The following TRERF1 variants were observed in gnomAD, a reference collection of about 807,000 sequenced individuals.
The protein encoded by TRERF1 is transcriptional regulating factor 1.
TRERF1 carries 27 observed loss-of-function variants against 122.9 expected under a neutral mutation model. The ratio of observed to expected loss-of-function variants is 0.22; its 90% CI spans 0.16 to 0.30. The LOEUF (loss-of-function observed/expected upper bound fraction) is 0.30. Among genes scored for constraint, TRERF1 ranks in the 10% least tolerant of loss-of-function variants. The pLI, the probability that TRERF1 is intolerant of heterozygous loss-of-function variation, is 1.00. For missense variants in TRERF1, 1,248 were observed against 1,560.3 expected (o/e 0.80, Z 3.37); for synonymous variants, 636 against 641.7 (o/e 0.99, Z 0.13).
chr6:42,256,928 A>G (rs758016361), intron 11 of TRERF1, 35 bp downstream of exon 11: 37 of 1,613,650 alleles, frequency 2.3e-5, no homozygotes, highest in Non-Finnish European at 3.1e-5. Flanking sequence ...AGAGAATCAA[A>G]CCTCTCCCAC....
At chr6:42,412,022 C>T (rs1186444402) in intron 2 of TRERF1, among the ~76,000 whole-genome samples, 5 of 94,904 alleles carry the variant, frequency 5.3e-5, no homozygotes, top group East Asian at 6.1e-4. Flanking sequence ...TTTTTTGAGA[C>T]GGAGTTTTGC....
chr6:42,300,152 A>T (rs1326304660), intron 4 of TRERF1, among the ~76,000 whole-genome samples: 3 of 152,258 alleles, frequency 2.0e-5, no homozygotes, highest in African/African-American at 7.2e-5. Flanking sequence ...GGCAGAGCAG[A>T]GACCAGCAGA....
At chr6:42,415,075 T>C (rs1781638512) in intron 2 of TRERF1, among the ~76,000 whole-genome samples, 1 of 152,232 alleles carries the variant, frequency 6.6e-6, no homozygotes, top group African/African-American at 2.4e-5. Context: ...TTATTAAATA[T>C]TTTGATCTCT....
chr6:42,236,716 T>C (rs1772319300), intron 15 of TRERF1, among the ~76,000 whole-genome samples: 1 of 152,192 alleles, frequency 6.6e-6, no homozygotes, highest in Non-Finnish European at 1.5e-5. Context: ...TTCCCCACCT[T>C]GTTCGAGACT....
At position 42,334,202 on chromosome 6, in the gene TRERF1, C is replaced by T. The variant is rs906225728; in HGVS notation, c.-371+28795G>A. ...TTGGGAAGGCAAGTGGGACCTGGCA[C>T]CCAGTGATCTGAAGGTAGCTGAGTT... On this transcript the variant is annotated intron_variant, in intron 3 of 17. Transcript: ENST00000372922. Among the ~76,000 whole-genome samples the T allele has an allele frequency of 5.3e-5, 8 of 152,104 alleles. No homozygotes were observed. In the South Asian group the frequency reaches 1.7e-3, roughly 32 times the overall value.
chr6:42,236,282 G>A, exon 16 of TRERF1: 1 of 1,612,464 alleles, frequency 6.2e-7, no homozygotes, highest in Non-Finnish European at 8.5e-7. Flanking sequence ...CCCTCCGTGG[G>A]AGCCAGGACG....
chr6:42,262,012 C>G (rs1051553596), intron 8 of TRERF1, among the ~76,000 whole-genome samples: 1 of 152,084 alleles, frequency 6.6e-6, no homozygotes, highest in Non-Finnish European at 1.5e-5. Context: ...GACTCTGACC[C>G]CCATGTGACT....
At chr6:42,299,485 A>G (rs4711716) in intron 4 of TRERF1, among the ~76,000 whole-genome samples, 20,602 of 152,188 alleles carry the variant, frequency 0.14, 1,680 homozygotes, top group African/African-American at 0.23. Flanking sequence ...CAACAATTTC[A>G]GCATTGCAAG....
intron 2 of TRERF1, among the ~76,000 whole-genome samples, chr6:42,369,150 T>C: frequency 6.6e-6 from 1 of 151,924 alleles, no homozygotes; most frequent in East Asian, 1.9e-4. Context: ...AAGGCTGGGA[T>C]CTAAAAAAAA....
At chr6:42,235,605 TTA>T (rs1248739602) in intron 16 of TRERF1, among the ~76,000 whole-genome samples, 2 of 152,224 alleles carry the variant, frequency 1.3e-5, no homozygotes, top group African/African-American at 2.4e-5. Flanking sequence ...TTCAGCCTGT[TTA>T]TATGATTAAT....
chr6:42,325,859 G>C (rs1458160389), intron 3 of TRERF1, among the ~76,000 whole-genome samples: 2 of 152,216 alleles, frequency 1.3e-5, no homozygotes, highest in African/African-American at 4.8e-5. Context: ...TGGGGCCACA[G>C]AGCAATGAAA....
At chr6:42,260,276 C>A (rs976839802) in intron 8 of TRERF1, among the ~76,000 whole-genome samples, 48 of 152,108 alleles carry the variant, frequency 3.2e-4, no homozygotes, top group African/African-American at 1.1e-3. Flanking sequence ...TCGATGACCT[C>A]TAAGGGCCCT....
intron 4 of TRERF1, among the ~76,000 whole-genome samples, chr6:42,288,574 CAAAAAAAAAAAAA>C (rs3074797): frequency 1.2e-5 from 1 of 86,548 alleles, no homozygotes; most frequent in Non-Finnish European, 2.2e-5. Context: ...ATCTCAAAAC[CAAAAAAAAAAAAA>C]AAAAAAAAAG....
At chr6:42,310,236 T>C (rs981129182) in intron 3 of TRERF1, among the ~76,000 whole-genome samples, 1 of 152,218 alleles carries the variant, frequency 6.6e-6, no homozygotes, top group Non-Finnish European at 1.5e-5. Flanking sequence ...CCCAAAGTGC[T>C]AGGAGTATAG....
intron 2 of TRERF1, among the ~76,000 whole-genome samples, chr6:42,420,255 T>C (rs1293734408): frequency 1.1e-4 from 16 of 152,210 alleles, no homozygotes; most frequent in Admixed American, 9.8e-4. Context: ...GCAGAATCAA[T>C]AGGCACTTCA....
intron 4 of TRERF1, among the ~76,000 whole-genome samples, chr6:42,287,004 A>C (rs1212322006): frequency 6.8e-6 from 1 of 146,044 alleles, no homozygotes; most frequent in Non-Finnish European, 1.5e-5. Context: ...GACATGGATG[A>C]AATTGGAAAT....
intron 3 of TRERF1, among the ~76,000 whole-genome samples, chr6:42,302,921 T>C (rs1001493778): frequency 2.6e-5 from 4 of 152,240 alleles, no homozygotes; most frequent in Non-Finnish European, 5.9e-5. Context: ...GAGTTTGTCT[T>C]AGACAACATA....
intron 4 of TRERF1, among the ~76,000 whole-genome samples, chr6:42,270,501 T>C (rs1420667577): frequency 6.6e-6 from 1 of 152,218 alleles, no homozygotes; most frequent in Non-Finnish European, 1.5e-5. Flanking sequence ...GTTCAACACA[T>C]ATTTATTAGA....
intron 11 of TRERF1, 54 bp downstream of exon 11, chr6:42,256,909 A>G: frequency 1.2e-6 from 2 of 1,613,378 alleles, no homozygotes; most frequent in South Asian, 1.1e-5. Context: ...AGAGCCAGTG[A>G]TCTCAGTGAG....
Sources: allele counts gnomAD v4.1 joint callset (sites outside exome capture counted in the v4.1 genomes callset), GRCh38; gene constraint gnomAD v4.1.1; transcripts MANE v1.5; gene names NCBI Gene and HGNC (gene_info 2026-07-23, HGNC 2026-07-21).